The following PCDHGA7 variants were observed in gnomAD, a reference collection of about 807,000 sequenced individuals.
PCDHGA7 encodes the protein protocadherin gamma-A7.
In PCDHGA7, 44 loss-of-function variants were observed where a neutral mutation model predicts 58.3. The ratio of observed to expected loss-of-function variants is 0.75; its 90% confidence interval spans 0.59 to 0.97. The LOEUF (loss-of-function observed/expected upper bound fraction) is 0.97, where lower values mean the gene tolerates loss of function less well. PCDHGA7 is among the 50% of genes least tolerant of loss of function. The pLI is 0.00. For synonymous variants in PCDHGA7, 516 were observed against 504.2 expected, an observed-to-expected ratio of 1.02 and a Z score of -0.31; for missense variants, 1,266 against 1,188.7, an observed-to-expected ratio of 1.06 and a Z score of -0.96.
At chr5:141,401,805 G>C (rs1307812903) in intron 1 of PCDHGA7, among the ~76,000 whole-genome samples, 1 of 152,132 alleles carries the variant, frequency 6.6e-6, no homozygotes, top group Non-Finnish European at 1.5e-5. Context: ...TTCAGTAAAT[G>C]GGTTCCTTAC....
At chr5:141,440,558 T>C (rs546919141) in intron 1 of PCDHGA7, 1 of 152,350 alleles carries the variant, frequency 6.6e-6, no homozygotes, top group East Asian at 1.9e-4. Context: ...TGTTATTAAG[T>C]TACGTATCTC....
rs1340590903 is a variant in PCDHGA7, at chr5:141,432,842, G to A, written c.2424+47519G>A. On this transcript the variant is annotated intron_variant, in intron 1 of 3. Coordinates refer to ENST00000518325, the MANE Select transcript of PCDHGA7 (RefSeq NM_018920.4). This position sits in a 1 kb window ranked among gnomAD's most constrained non-coding sequence, Gnocchi z 6.0. ...CTCAGACCTCACTCTGTACCTGGTG[G>A]TAGCGGTGGCCGCGGTCTCCTGCGT... 5 of 1,614,192 alleles carry A rather than the reference G, an allele frequency of 3.1e-6. No individual in the cohort carries two copies. The South Asian group carries it at 4.4e-5, about 14-fold the overall frequency.
intron 1 of PCDHGA7, chr5:141,398,815 A>G (rs1369560562): frequency 6.2e-7 from 1 of 1,613,870 alleles, no homozygotes; most frequent in East Asian, 2.2e-5. Context: ...TGAGCTCCGG[A>G]TCCAGGTAAC....
chr5:141,485,374 T>A lies in PCDHGA7; in HGVS notation c.2425-9433T>A. Reference sequence around the variant, plus strand: ...TGTCAGCTCGCAGGCTGCAGGTCGCTGGAGAGGTGAACCAAAGACACTTCC... The same window carrying A: ...TGTCAGCTCGCAGGCTGCAGGTCGCAGGAGAGGTGAACCAAAGACACTTCC... On this transcript the variant is annotated intron_variant, in intron 1 of 3. Coordinates refer to ENST00000518325, the MANE Select transcript of PCDHGA7 (RefSeq NM_018920.4). The surrounding 1 kb of genome is among the most constrained non-coding windows in gnomAD (Gnocchi z 5.7). The A allele has an allele frequency of 1.2e-6, 2 of 1,614,082 alleles. No homozygotes were observed. Among genetic ancestry groups the A allele is most frequent in the Non-Finnish European group, 1.7e-6 (2 of 1,179,998 alleles).
intron 1 of PCDHGA7, chr5:141,398,657 GT>G: frequency 6.2e-7 from 1 of 1,614,018 alleles, no homozygotes; most frequent in South Asian, 1.1e-5. Context: ...CTTAACCCAA[GT>G]TTCTCATTAA....
intron 1 of PCDHGA7, chr5:141,424,664 A>G (rs923488035): frequency 1.3e-5 from 2 of 152,124 alleles, no homozygotes; most frequent in African/African-American, 4.8e-5. Context: ...CTTTAATTAA[A>G]CTGATTTAGC....
chr5:141,392,096 A>G (rs2092464422), intron 1 of PCDHGA7: 1 of 152,256 alleles, frequency 6.6e-6, no homozygotes, highest in Non-Finnish European at 1.5e-5. Context: ...AGAATAATTT[A>G]AAAGCAACAA....
chr5:141,388,971 C>T (rs2091561776), intron 1 of PCDHGA7: 2 of 1,613,890 alleles, frequency 1.2e-6, no homozygotes, highest in South Asian at 2.2e-5. Flanking sequence ...GCTGGGAACA[C>T]ATATTGCTTT....
At chr5:141,386,640 A>G (rs1313920703) in intron 1 of PCDHGA7, among the ~76,000 whole-genome samples, 2 of 151,864 alleles carry the variant, frequency 1.3e-5, no homozygotes, top group African/African-American at 4.8e-5. Flanking sequence ...CCCAGGCTGG[A>G]TACATTTTAC....
intron 1 of PCDHGA7, among the ~76,000 whole-genome samples, chr5:141,463,224 G>C (rs1039535501): frequency 6.6e-6 from 1 of 151,958 alleles, no homozygotes; most frequent in Non-Finnish European, 1.5e-5. Context: ...AATATTCCTG[G>C]AGTTCTTTGT....
At chr5:141,406,421 A>G (rs981815055) in intron 1 of PCDHGA7, among the ~76,000 whole-genome samples, 2 of 152,222 alleles carry the variant, frequency 1.3e-5, no homozygotes, top group East Asian at 1.9e-4. Flanking sequence ...GAAAGCCCAG[A>G]TTTATTGCTT....
At position 141,489,094 on chromosome 5, in the gene PCDHGA7, G is replaced by GAAA. The variant is rs2154581134; in HGVS notation, c.2425-5711_2425-5710insAAA. On this transcript the variant is annotated intron_variant, in intron 1 of 3. Coordinates refer to ENST00000518325, the MANE Select transcript of PCDHGA7 (RefSeq NM_018920.4). The surrounding 1 kb of genome is among the most constrained non-coding windows in gnomAD (Gnocchi z 4.5). ...CCCACCCCCGCCACTCGGTGACTAA[G>GAAA]AACTGCTGCAAGCAGGCAAACCTCC... The GAAA allele has an allele frequency of 5.1e-6, 2 of 396,028 alleles. No homozygotes were observed. Among genetic ancestry groups the GAAA allele is most frequent in the South Asian group, 4.8e-5 (1 of 20,814 alleles). The allele number at this position is 396,028 out of a possible 1,614,324, so 24.5% of individuals were successfully genotyped here.
Position 141,489,492 on chromosome 5 carries a change from G to T in PCDHGA7, c.2425-5315G>T, listed in dbSNP as rs1258376136. On this transcript the variant is annotated intron_variant, in intron 1 of 3. Coordinates refer to ENST00000518325, the MANE Select transcript of PCDHGA7 (RefSeq NM_018920.4). The surrounding 1 kb of genome is among the most constrained non-coding windows in gnomAD (Gnocchi z 4.5). ...CCCTGAGCTTGATGAGTGGTGCCCT[G>T]GCAGTGAATCAAAAGATTGACCGAG... 1 of 1,614,042 alleles carries T rather than the reference G, an allele frequency of 6.2e-7. No individual in the cohort carries two copies. The highest frequency in any genetic ancestry group is 1.1e-5 in the South Asian group (1 of 91,078).
chr5:141,478,135 C>T (rs1307702473), intron 1 of PCDHGA7: 7 of 1,613,970 alleles, frequency 4.3e-6, no homozygotes, highest in African/African-American at 1.3e-5. Flanking sequence ...CTCCTGAAGC[C>T]CGAGCCGAGT....
At chr5:141,414,678 G>A (rs1276367800) in intron 1 of PCDHGA7, 14 of 1,613,856 alleles carry the variant, frequency 8.7e-6, no homozygotes, top group African/African-American at 1.3e-5. Context: ...ACACCATCCA[G>A]GGGGTACCTC....
rs1158003183 is a variant in PCDHGA7, at chr5:141,397,388, G to A, written c.2424+12065G>A. Among the ~76,000 whole-genome samples the A allele has an allele frequency of 3.9e-5, 6 of 152,232 alleles. No individual in the cohort carries two copies. In the East Asian group the frequency reaches 1.2e-3, roughly 29 times the overall value. Reference sequence around the variant, plus strand: ...GATGTTTGGGGATTGGTATAAAATTGCCACAACTTTACAAAATAGTTTTAA... The same window carrying A: ...GATGTTTGGGGATTGGTATAAAATTACCACAACTTTACAAAATAGTTTTAA... On this transcript the variant is annotated intron_variant, in intron 1 of 3. Transcript: ENST00000518325.
intron 1 of PCDHGA7, chr5:141,390,010 T>C: frequency 6.2e-7 from 1 of 1,614,044 alleles, no homozygotes; most frequent in East Asian, 2.2e-5. Context: ...ATTCTGGCCA[T>C]TGCCTTGCGC....
Position 141,491,077 on chromosome 5 carries a change from T to TAGGA in PCDHGA7, c.2425-3730_2425-3729insAGGA, listed in dbSNP as rs752090443. 1.2e-6 allele frequency: 2 copies of TAGGA among 1,614,166 alleles called. No homozygotes were observed. Among genetic ancestry groups the TAGGA allele is most frequent in the Admixed American group, 3.3e-5 (2 of 60,014 alleles). On this transcript the variant is annotated intron_variant, in intron 1 of 3. Transcript: ENST00000518325. This position sits in a 1 kb window ranked among gnomAD's most constrained non-coding sequence, Gnocchi z 6.9. The stretch of plus-strand genomic sequence containing the variant: ...GCTCTCCTACTCACTGTTGCCACAG[T>TAGGA]CCACAGCCCCAGGACTGTTCCTCGT...
chr5:141,502,500 G>C (rs1398797155), intron 2 of PCDHGA7, among the ~76,000 whole-genome samples: 1 of 152,046 alleles, frequency 6.6e-6, no homozygotes, highest in Non-Finnish European at 1.5e-5. Flanking sequence ...ATCTAACGTC[G>C]GCCTGTCCCA....
Sources: gnomAD v4.1 joint callset for allele counts (sites outside exome capture counted in the v4.1 genomes callset) on GRCh38, gnomAD v4.1.1 for gene constraint, Gnocchi (gnomAD v3.1) non-coding constraint, MANE v1.5 for transcripts, NCBI Gene and HGNC (gene_info 2026-07-23, HGNC 2026-07-21) for gene names.